Variants in AGAP1 observed in about 807,000 individuals in gnomAD.
AGAP1 encodes the protein ArfGAP with GTPase domain, ankyrin repeat and PH domain 1, also known as arf-GAP with GTPase, ANK repeat and PH domain-containing protein 1.
Under a neutral mutation model 105.3 loss-of-function variants are expected in AGAP1, and 29 were observed. That is an observed-to-expected ratio of 0.28 (90% CI 0.21 to 0.38). AGAP1 has a LOEUF of 0.38. AGAP1 is among the 10% of genes least tolerant of loss of function. The pLI, the probability that AGAP1 is intolerant of heterozygous loss-of-function variation, is 1.00. For synonymous variants in AGAP1, 509 were observed against 485.9 expected (o/e 1.05, Z -0.63); for missense variants, 998 against 1,165.1 (o/e 0.86, Z 2.09).
At position 235,753,275 on chromosome 2, in the gene AGAP1, C is replaced by A. The variant is rs1953611687; in HGVS notation, c.673+2787C>A. Reference sequence around the variant, plus strand: ...TTTCTAAATATTAGTTTAAAATATTCAGAAAAAGCGTTTCCGTTACTGTGA... The same window carrying A: ...TTTCTAAATATTAGTTTAAAATATTAAGAAAAAGCGTTTCCGTTACTGTGA... On this transcript the variant is annotated intron_variant, in intron 6 of 17. Transcript: ENST00000304032. The surrounding 1 kb of genome is among the most constrained non-coding windows in gnomAD (Gnocchi z 4.5). 6.6e-6 allele frequency among the ~76,000 whole-genome samples: 1 copy of A among 152,174 alleles called. No individual in the cohort carries two copies.
Position 235,601,610 on chromosome 2 carries a change from C to T in AGAP1, c.163+106761C>T, listed in dbSNP as rs1945734085. 6.6e-6 allele frequency among the ~76,000 whole-genome samples: 1 copy of T among 152,140 alleles called. No homozygotes were observed. The highest frequency in any genetic ancestry group is 1.5e-5 in the Non-Finnish European group (1 of 68,028). On this transcript the variant is annotated intron_variant, in intron 1 of 17. Transcript: ENST00000304032. This position sits in a 1 kb window ranked among gnomAD's most constrained non-coding sequence, Gnocchi z 4.4. ...TACCACAGAACAGAATAGGGGAACC[C>T]ACCCCCAAGATTCAGTAACCTCCCA... is the stretch of plus-strand genomic sequence containing the variant.
rs1361142686 is a variant in AGAP1 at position 235,880,754 on chromosome 2, C to A, written c.1051-2591C>A. 1.6e-4 allele frequency among the ~76,000 whole-genome samples: 24 copies of A among 148,722 alleles called. No homozygotes were observed. In the South Asian group the frequency reaches 1.7e-3, roughly 11 times the overall value. ...GACTCCGTCTCAAAAAAAAAAAAAA[C>A]AAAAAAAGAACTTGAGTGAGGCTTT... On this transcript the variant is annotated intron_variant, in intron 9 of 17. Coordinates refer to ENST00000304032, the MANE Select transcript of AGAP1 (RefSeq NM_001037131.3).
chr2:235,538,460 T>TGTGTGTGTGCGC lies in AGAP1; in HGVS notation c.163+43612_163+43613insTGTGTGTGCGCG, dbSNP rs1553561884. On this transcript the variant is annotated intron_variant, in intron 1 of 17. Coordinates refer to ENST00000304032, the MANE Select transcript of AGAP1 (RefSeq NM_001037131.3). Reference sequence around the variant, plus strand: ...GTGTGTGTGTGTGTGTGTGTGTGTGTGCATGCTTGTACGCCTGTGCACAGA... The same window carrying TGTGTGTGTGCGC: ...GTGTGTGTGTGTGTGTGTGTGTGTGTGTGTGTGTGCGCGCATGCTTGTACGCCTGTGCACAGA... Among the ~76,000 whole-genome samples the TGTGTGTGTGCGC allele has an allele frequency of 1.9e-3, 283 of 150,552 alleles. 3 individuals carry two copies. Among genetic ancestry groups the TGTGTGTGTGCGC allele is most frequent in the African/African-American group, 6.6e-3 (267 of 40,190 alleles).
chr2:235,750,902 C>T lies in AGAP1; in HGVS notation c.673+414C>T, dbSNP rs1375253057. ...TTGATATTAGGCTTTGAGAAGAGAACTGAAAGGAGGAGAGAGAGAGTCAAG... is the reference window on the plus strand; with the variant it reads ...TTGATATTAGGCTTTGAGAAGAGAATTGAAAGGAGGAGAGAGAGAGTCAAG... On this transcript the variant is annotated intron_variant, in intron 6 of 17. Coordinates refer to ENST00000304032, the MANE Select transcript of AGAP1 (RefSeq NM_001037131.3). The surrounding 1 kb of genome is among the most constrained non-coding windows in gnomAD (Gnocchi z 5.3). 6.6e-6 allele frequency among the ~76,000 whole-genome samples: 1 copy of T among 152,106 alleles called. No individual in the cohort carries two copies. The highest frequency in any genetic ancestry group is 1.5e-5 in the Non-Finnish European group (1 of 68,030).
intron 1 of AGAP1, among the ~76,000 whole-genome samples, chr2:235,595,004 G>A (rs1945478086): frequency 6.6e-6 from 1 of 151,342 alleles, no homozygotes; most frequent in African/African-American, 2.4e-5. Context: ...GCACTGGCAA[G>A]GAGGAGAGGG....
Position 235,904,707 on chromosome 2 carries a change from T to C in AGAP1, c.1156-4031T>C, listed in dbSNP as rs2051220251. Among the ~76,000 whole-genome samples the C allele has an allele frequency of 6.6e-6, 1 of 152,022 alleles. No homozygotes were observed. The highest frequency in any genetic ancestry group is 1.5e-5 in the Non-Finnish European group (1 of 67,998). Reference sequence around the variant, plus strand: ...AGCCCCTTGACTTCTACGGAGGACATTGTTTAGTGGTTGTAGCTTTAATTC... The same window carrying C: ...AGCCCCTTGACTTCTACGGAGGACACTGTTTAGTGGTTGTAGCTTTAATTC... On this transcript the variant is annotated intron_variant, in intron 10 of 17. Coordinates refer to ENST00000304032, the MANE Select transcript of AGAP1 (RefSeq NM_001037131.3). The surrounding 1 kb of genome is among the most constrained non-coding windows in gnomAD (Gnocchi z 4.2).
chr2:235,784,863 T>C (rs1481430143), intron 6 of AGAP1, among the ~76,000 whole-genome samples: 1 of 152,182 alleles, frequency 6.6e-6, no homozygotes, highest in Non-Finnish European at 1.5e-5. Context: ...GAGGTAATGC[T>C]GGTTAAGTAA....
At chr2:235,848,102 ACT>A (rs1414883658) in intron 9 of AGAP1, among the ~76,000 whole-genome samples, 1 of 151,996 alleles carries the variant, frequency 6.6e-6, no homozygotes, top group African/African-American at 2.4e-5. Context: ...CACCGGTTAC[ACT>A]CTCTGTCACT....
intron 9 of AGAP1, among the ~76,000 whole-genome samples, chr2:235,878,502 C>T (rs963517389): frequency 9.9e-5 from 15 of 152,140 alleles, no homozygotes; most frequent in African/African-American, 3.6e-4. Context: ...CTCTAGTTTC[C>T]AGCAGCCCTG....
At chr2:235,510,354 A>G (rs892946884) in intron 1 of AGAP1, among the ~76,000 whole-genome samples, 1 of 152,230 alleles carries the variant, frequency 6.6e-6, no homozygotes, top group Admixed American at 6.5e-5. Flanking sequence ...TTTTAGGGTC[A>G]TTCAAGTTGT....
intron 9 of AGAP1, among the ~76,000 whole-genome samples, chr2:235,870,321 AC>A (rs1202372304): frequency 6.6e-6 from 1 of 152,168 alleles, no homozygotes; most frequent in Non-Finnish European, 1.5e-5. Context: ...TGACTCAGGA[AC>A]AGGAGAACTG....
Position 235,623,244 on chromosome 2 carries a change from C to T in AGAP1, c.164-85935C>T, listed in dbSNP as rs531184356. On this transcript the variant is annotated intron_variant, in intron 1 of 17. Coordinates refer to ENST00000304032, the MANE Select transcript of AGAP1 (RefSeq NM_001037131.3). This position sits in a 1 kb window ranked among gnomAD's most constrained non-coding sequence, Gnocchi z 4.5. ...ACTGTTTTGGAGATTTATGCGTGTT[C>T]TGCAGGCTGACCTCTGCTTGTTGAT... 4.8e-4 allele frequency among the ~76,000 whole-genome samples: 73 copies of T among 152,340 alleles called. No homozygotes were observed. The highest frequency in any genetic ancestry group is 1.6e-3 in the African/African-American group (67 of 41,586).
At chr2:235,519,769 C>CT (rs1460066849) in intron 1 of AGAP1, among the ~76,000 whole-genome samples, 3 of 152,032 alleles carry the variant, frequency 2.0e-5, no homozygotes, top group Admixed American at 1.3e-4. Flanking sequence ...TGCCACCTAC[C>CT]AATATTATTA....
intron 1 of AGAP1, among the ~76,000 whole-genome samples, chr2:235,515,686 G>A (rs1465097367): frequency 6.6e-6 from 1 of 152,218 alleles, no homozygotes; most frequent in Non-Finnish European, 1.5e-5. Flanking sequence ...GAAATGGAGA[G>A]ATTGTAATGT....
At position 235,843,660 on chromosome 2, in the gene AGAP1, G is replaced by A. The variant is rs118191120; in HGVS notation, c.1050+36329G>A. On this transcript the variant is annotated intron_variant, in intron 9 of 17. Transcript: ENST00000304032. This position sits in a 1 kb window ranked among gnomAD's most constrained non-coding sequence, Gnocchi z 5.9. ...CTGGGCTCCCCTCCGCCCTGCATCT[G>A]AGATCTCTGTTTTAAGGCCAGCTCT... Among the ~76,000 whole-genome samples the A allele has an allele frequency of 6.9e-4, 105 of 152,184 alleles. 1 individual carries two copies. The East Asian group carries it at 0.016, about 24-fold the overall frequency.
At chr2:235,837,462 G>C (rs1346437855) in intron 9 of AGAP1, among the ~76,000 whole-genome samples, 1 of 152,164 alleles carries the variant, frequency 6.6e-6, no homozygotes, top group African/African-American at 2.4e-5. Flanking sequence ...GGTGGGGAGG[G>C]CTGCTAGGTC....
rs913695564 is a variant in AGAP1 at position 235,664,217 on chromosome 2, G to GT, written c.164-44952dup. ...ATTTTAATATATAGTTTGTTTTTTT[G>GT]TTTTTTTTTTCGAGACGGAGTTTCA... On this transcript the variant is annotated intron_variant, in intron 1 of 17. Coordinates refer to ENST00000304032, the MANE Select transcript of AGAP1 (RefSeq NM_001037131.3). This position sits in a 1 kb window ranked among gnomAD's most constrained non-coding sequence, Gnocchi z 5.7. Among the ~76,000 whole-genome samples, 402 of 147,592 alleles carry GT rather than the reference G, an allele frequency of 2.7e-3. 1 individual carries two copies. Among genetic ancestry groups the GT allele is most frequent in the African/African-American group, 7.8e-3 (315 of 40,250 alleles).
rs1019483304 is a variant in AGAP1, at chr2:235,964,091, G to A, written c.1484-4371G>A. ...GCATGCTAGTTAGATTGAGATAAGC[G>A]ACTGGCAGCCTCGTGCAGAAGGTCC... is the stretch of plus-strand genomic sequence containing the variant. On this transcript the variant is annotated intron_variant, in intron 12 of 17. Coordinates refer to ENST00000304032, the MANE Select transcript of AGAP1 (RefSeq NM_001037131.3). The surrounding 1 kb of genome is among the most constrained non-coding windows in gnomAD (Gnocchi z 4.6). Among the ~76,000 whole-genome samples, 7 of 152,128 alleles carry A rather than the reference G, an allele frequency of 4.6e-5. No individual in the cohort carries two copies. The highest frequency in any genetic ancestry group is 6.5e-5 in the Admixed American group (1 of 15,268).
In AGAP1 at chr2:235,701,117, ATAT is replaced by A. The variant is rs941195786; in HGVS notation, c.164-8058_164-8056del. Among the ~76,000 whole-genome samples the A allele has an allele frequency of 2.0e-5, 3 of 147,490 alleles. No homozygotes were observed. The highest frequency in any genetic ancestry group is 4.5e-5 in the Non-Finnish European group (3 of 67,278). ...TACTCTATAATATAGTTATATGTAC[ATAT>A]TATATATTATGTATATATGATATGC... On this transcript the variant is annotated intron_variant, in intron 1 of 17. Coordinates refer to ENST00000304032, the MANE Select transcript of AGAP1 (RefSeq NM_001037131.3). The surrounding 1 kb of genome is among the most constrained non-coding windows in gnomAD (Gnocchi z 4.1).
Sources: gnomAD v4.1 joint callset for allele counts (sites outside exome capture counted in the v4.1 genomes callset) on GRCh38, gnomAD v4.1.1 for gene constraint, Gnocchi (gnomAD v3.1) non-coding constraint, MANE v1.5 for transcripts, NCBI Gene and HGNC (gene_info 2026-07-23, HGNC 2026-07-21) for gene names.